The following ACAN variants were observed in gnomAD, a reference collection of about 807,000 sequenced individuals.
The protein encoded by ACAN is aggrecan, also known as aggrecan core protein.
In ACAN, 47 loss-of-function variants were observed where a neutral mutation model predicts 169.1. The observed-to-expected ratio is 0.28, with a 90% CI of 0.22 to 0.35. The LOEUF (loss-of-function observed/expected upper bound fraction) is 0.35. Ranked by LOEUF, ACAN falls within the 10% of genes least tolerant of loss-of-function variation. The probability of loss-of-function intolerance (pLI) is 1.00; values close to 1 mark genes in which losing one functional copy is unlikely to be tolerated. For synonymous variants in ACAN, 1,115 were observed against 1,112.2 expected, an observed-to-expected ratio of 1.00 and a Z score of -0.05; for missense variants, 2,716 against 2,759.9, an observed-to-expected ratio of 0.98 and a Z score of 0.36.
intron 1 of ACAN, among the ~76,000 whole-genome samples, chr15:88,830,612 G>C (rs993538800): frequency 6.6e-6 from 1 of 151,998 alleles, no homozygotes; most frequent in African/African-American, 2.4e-5. Context: ...TTCCCTCTGT[G>C]TATCTAAACC....
In ACAN at chr15:88,872,053, G is replaced by A; in HGVS notation, c.7270G>A (p.Gly2424Arg). The part of the protein sequence containing the change: ...WIGLNDRTIE[G>R]DFRWSDGHPM... ...CGGCCTGAACGACAGGACCATCGAA[G>A]GGGACTTCCGCTGGTCAGATGGACA... The change falls in exon 16 of 19, where the codon GGG becomes AGG. Residue 2424 changes from glycine (G) to arginine (R), a missense_variant. Gly to Arg is a moderately radical substitution (Grantham distance 125). This residue lies in a region of ACAN where 1,389 missense variants were observed against 1,363.7 expected (regional missense o/e 1.02). Coordinates refer to ENST00000560601, the MANE Select transcript of ACAN (RefSeq NM_001369268.1). This position sits in a 1 kb window ranked among gnomAD's most constrained non-coding sequence, Gnocchi z 5.4. 4.3e-6 allele frequency: 7 copies of A among 1,613,950 alleles called. No homozygotes were observed. Among genetic ancestry groups the A allele is most frequent in the African/African-American group, 1.3e-5 (1 of 75,060 alleles).
chr15:88,813,770 G>A (rs972887460), intron 1 of ACAN, among the ~76,000 whole-genome samples: 1 of 152,168 alleles, frequency 6.6e-6, no homozygotes, highest in East Asian at 1.9e-4. Context: ...AGAATAAGAT[G>A]TAGTCTCCCT....
At chr15:88,864,122 A>G (rs2141623322) in intron 13 of ACAN, among the ~76,000 whole-genome samples, 1 of 152,328 alleles carries the variant, frequency 6.6e-6, no homozygotes, top group Admixed American at 6.5e-5. Flanking sequence ...GACTGTAGTG[A>G]GCCATGGTTG....
At position 88,851,458 on chromosome 15, in the gene ACAN, A is replaced by G. The variant is rs1221780869; in HGVS notation, c.2027-336A>G. 3 of 217,072 alleles carry G rather than the reference A, an allele frequency of 1.4e-5. No homozygotes were observed. Among genetic ancestry groups the G allele is most frequent in the African/African-American group, 2.3e-5 (1 of 43,688 alleles). 13.4% of individuals were successfully genotyped at this position (217,072 alleles called of 1,614,324 possible). A position where few individuals can be genotyped will look rare whatever the true frequency, so the allele number is the denominator to read the frequency against. The stretch of plus-strand genomic sequence containing the variant: ...TGTAACTCTGTGCCTCAGTTTCCCC[A>G]TCTGTAAAATGAGATAATCATATCT... On this transcript the variant is annotated intron_variant, in intron 10 of 18. Coordinates refer to ENST00000560601, the MANE Select transcript of ACAN (RefSeq NM_001369268.1). The surrounding 1 kb of genome is among the most constrained non-coding windows in gnomAD (Gnocchi z 4.3).
In ACAN at chr15:88,843,493, C is replaced by T. The variant is rs1003014165; in HGVS notation, c.896C>T (p.Ala299Val). ...CAGGCTGGCATGGACATGTGCAGCG[C>T]CGGCTGGCTGGCCGACCGCAGCGTG... ...AWQAGMDMCS[A>V]GWLADRSVRY... The change falls in exon 6 of 19, where the codon GCC becomes GTC. Residue 299 changes from alanine to valine, a missense_variant. Ala to Val is a moderately conservative substitution (Grantham distance 64). Transcript: ENST00000560601. This position sits in a 1 kb window ranked among gnomAD's most constrained non-coding sequence, Gnocchi z 4.0. 1 of 1,612,012 alleles carries T rather than the reference C, an allele frequency of 6.2e-7. No individual in the cohort carries two copies. The highest frequency in any genetic ancestry group is 8.5e-7 in the Non-Finnish European group (1 of 1,179,448).
At chr15:88,834,276 T>A (rs1486388822) in intron 1 of ACAN, among the ~76,000 whole-genome samples, 1 of 152,180 alleles carries the variant, frequency 6.6e-6, no homozygotes, top group Non-Finnish European at 1.5e-5. Flanking sequence ...AGCCCTTTCA[T>A]TTCTGGGGTG....
chr15:88,830,640 G>GAT (rs1205631289), intron 1 of ACAN, among the ~76,000 whole-genome samples: 1 of 151,694 alleles, frequency 6.6e-6, no homozygotes, highest in East Asian at 2.0e-4. Flanking sequence ...ACCTATAAAA[G>GAT]ATACAGTAAA....
intron 1 of ACAN, among the ~76,000 whole-genome samples, chr15:88,810,517 C>A (rs1490067393): frequency 8.5e-5 from 13 of 152,054 alleles, no homozygotes; most frequent in African/African-American, 3.1e-4. Context: ...CCTCCCCTCA[C>A]TCCATCCCTC....
Position 88,849,500 on chromosome 15 carries a change from G to A in ACAN, c.1795G>A (p.Glu599Lys), listed in dbSNP as rs760034910. ...CTTCCAGGAAGCACTGGAGTTCTGT[G>A]AATCTCACAATGCTACGCTGGCCAC... Reference protein sequence around the residue: ...FTFQEALEFCESHNATLATTG... With the variant: ...FTFQEALEFCKSHNATLATTG... Residue 599 changes from glutamate to lysine, a missense_variant, in exon 10 of 19, where the codon GAA becomes AAA. Physicochemically the swap from Glu to Lys is moderately conservative, Grantham distance 56 (BLOSUM62 1). Around this residue, in one of 3 missense-constraint regions of ACAN, gnomAD observed 1,283 missense variants for 1,281.5 expected, o/e 1.00. Coordinates refer to ENST00000560601, the MANE Select transcript of ACAN (RefSeq NM_001369268.1). The surrounding 1 kb of genome is among the most constrained non-coding windows in gnomAD (Gnocchi z 5.1). The A allele has an allele frequency of 6.2e-7, 1 of 1,607,850 alleles. No homozygotes were observed. The highest frequency in any genetic ancestry group is 1.3e-5 in the African/African-American group (1 of 74,944).
rs761237568 is a variant in ACAN, at chr15:88,845,846, G to C, written c.1393G>C (p.Val465Leu). ...AFTSEDLVVQVTAVPGQPHLP... is the reference protein window; with the variant it reads ...AFTSEDLVVQLTAVPGQPHLP... ...CACCAGTGAGGACCTCGTCGTGCAG[G>C]TGACCGCTGTCCCTGGGCAGCCGCA... The change falls in exon 7 of 19, where the codon GTG becomes CTG. Residue 465 changes from valine (V) to leucine (L), a missense_variant. By Grantham distance (32) the Val-to-Leu change is conservative (BLOSUM62 1). Transcript: ENST00000560601. The C allele has an allele frequency of 1.9e-5, 28 of 1,480,216 alleles. No individual in the cohort carries two copies. The highest frequency in any genetic ancestry group is 2.5e-5 in the Non-Finnish European group (28 of 1,111,808). The allele number at this position is 1,480,216 out of a possible 1,614,324, so 91.7% of individuals were successfully genotyped here. A position where few individuals can be genotyped will look rare whatever the true frequency, so the allele number is the denominator to read the frequency against.
rs113581263 is a variant in ACAN, at chr15:88,855,294, T to A, written c.2709T>A (p.Gly903=). The A allele has an allele frequency of 8.8e-5, 141 of 1,611,142 alleles. 1 individual carries two copies. The highest frequency in any genetic ancestry group is 5.0e-5 in the Admixed American group (3 of 59,962). The part of the protein sequence containing the change: ...GLPSGDLDSS[G]LTSTVGSGLP... ...CCTCTGGAGACCTGGACTCCAGTGG[T>A]CTTACTTCCACAGTGGGCTCAGGCC... is the stretch of plus-strand genomic sequence containing the variant. The change falls in exon 12 of 19, where the codon GGT becomes GGA. Residue 903 remains glycine, a synonymous_variant. Transcript: ENST00000560601.
intron 1 of ACAN, among the ~76,000 whole-genome samples, chr15:88,808,573 G>A (rs1198776362): frequency 2.0e-5 from 3 of 152,120 alleles, no homozygotes; most frequent in East Asian, 1.9e-4. Context: ...CTCCTTCCCC[G>A]GGGAACATTT....
rs770829348 is a variant in ACAN, at chr15:88,845,852, G to T, written c.1399G>T (p.Ala467Ser). 5 of 1,471,042 alleles carry T rather than the reference G, an allele frequency of 3.4e-6. No individual in the cohort carries two copies. The Admixed American group carries it at 9.9e-5, about 29-fold the overall frequency. 91.1% of individuals were successfully genotyped at this position (1,471,042 alleles called of 1,614,324 possible). A position where few individuals can be genotyped will look rare whatever the true frequency, so the allele number is the denominator to read the frequency against. ...TGAGGACCTCGTCGTGCAGGTGACCGCTGTCCCTGGGCAGCCGCATTTGCC... is the reference window on the plus strand; with the variant it reads ...TGAGGACCTCGTCGTGCAGGTGACCTCTGTCCCTGGGCAGCCGCATTTGCC... ...TSEDLVVQVT[A>S]VPGQPHLPGG... Residue 467 changes from alanine to serine, a missense_variant, in exon 7 of 19, where the codon GCT becomes TCT. Ala to Ser is a moderately conservative substitution (Grantham distance 99, BLOSUM62 1). Around this residue, in one of 3 missense-constraint regions of ACAN, gnomAD observed 1,283 missense variants for 1,281.5 expected, o/e 1.00. Transcript: ENST00000560601.
intron 1 of ACAN, among the ~76,000 whole-genome samples, chr15:88,819,403 A>G (rs1482873238): frequency 5.3e-5 from 8 of 152,120 alleles, no homozygotes; most frequent in African/African-American, 1.9e-4. Flanking sequence ...AACTCGCTCC[A>G]TGTGGAGAAC....
rs556642361 is a variant in ACAN at position 88,855,129 on chromosome 15, G to A, written c.2544G>A (p.Val848=). The change falls in exon 12 of 19, where the codon GTG becomes GTA. Residue 848 remains valine, a synonymous_variant. Transcript: ENST00000560601. Reference sequence around the variant, plus strand: ...AGCCGTATACACCTTCACCCCCCGTGCCCAGCTGGACTGAGCTGCCCAGCT... The same window carrying A: ...AGCCGTATACACCTTCACCCCCCGTACCCAGCTGGACTGAGCTGCCCAGCT... ...SEEPYTPSPP[V]PSWTELPSSG... The A allele has an allele frequency of 9.3e-6, 15 of 1,608,236 alleles. No individual in the cohort carries two copies. The highest frequency in any genetic ancestry group is 8.4e-5 in the Admixed American group (5 of 59,562).
chr15:88,812,022 G>A (rs907842558), intron 1 of ACAN, among the ~76,000 whole-genome samples: 5 of 152,350 alleles, frequency 3.3e-5, no homozygotes, highest in African/African-American at 1.2e-4. Context: ...GTCTCCTGGT[G>A]TGGGAGACCT....
In ACAN at chr15:88,874,230, T is replaced by C. The variant is rs1897456932; in HGVS notation, c.7631-175T>C. On this transcript the variant is annotated intron_variant, in intron 18 of 18. Transcript: ENST00000560601. This position sits in a 1 kb window ranked among gnomAD's most constrained non-coding sequence, Gnocchi z 7.3. ...CCCAGGAGAGGGCTCACTTGGAGGA[T>C]GAAGGAGAAAAAGCCAGAAAGTCCA... is the stretch of plus-strand genomic sequence containing the variant. 6.6e-6 allele frequency among the ~76,000 whole-genome samples: 1 copy of C among 151,924 alleles called. No homozygotes were observed. Among genetic ancestry groups the C allele is most frequent in the Admixed American group, 6.6e-5 (1 of 15,256 alleles).
chr15:88,818,463 A>G (rs1340938998), intron 1 of ACAN, among the ~76,000 whole-genome samples: 2 of 152,214 alleles, frequency 1.3e-5, no homozygotes, highest in African/African-American at 2.4e-5. Flanking sequence ...GCCAGAGACA[A>G]GAGACCCAAA....
chr15:88,823,416 TTTTTTTTTCTTG>T (rs1896127795), intron 1 of ACAN, among the ~76,000 whole-genome samples: 1 of 151,986 alleles, frequency 6.6e-6, no homozygotes, highest in Non-Finnish European at 1.5e-5. Context: ...TTTGGTGGTT[TTTTTTTTTCTTG>T]TTTTTTCTCA....
Sources: allele counts gnomAD v4.1 joint callset (sites outside exome capture counted in the v4.1 genomes callset), GRCh38; gene constraint gnomAD v4.1.1; regional missense constraint gnomAD v4.1.1; non-coding constraint Gnocchi (gnomAD v3.1); transcripts MANE v1.5; gene names NCBI Gene and HGNC (gene_info 2026-07-23, HGNC 2026-07-21).